The following RFTN1 variants were observed in gnomAD, a reference collection of about 807,000 sequenced individuals.
RFTN1 encodes the protein raftlin.
Under a neutral mutation model 46.5 loss-of-function variants are expected in RFTN1, and 26 were observed. The ratio of observed to expected loss-of-function variants is 0.56; its 90% confidence interval spans 0.41 to 0.78. The LOEUF (loss-of-function observed/expected upper bound fraction) is 0.78. RFTN1 is among the 30% of genes least tolerant of loss of function. The pLI is 0.00. For missense variants in RFTN1, 693 were observed against 718.7 expected, an observed-to-expected ratio of 0.96 and a Z score of 0.41; for synonymous variants, 261 against 284.2, an observed-to-expected ratio of 0.92 and a Z score of 0.82.
At chr3:16,496,053 C>G (rs532676487) in intron 1 of RFTN1, among the ~76,000 whole-genome samples, 1 of 152,250 alleles carries the variant, frequency 6.6e-6, no homozygotes, top group Non-Finnish European at 1.5e-5. Context: ...AGATTTAAAA[C>G]TTCTGTTCCT....
At chr3:16,319,169 C>A (rs13320396) in intron 9 of RFTN1, among the ~76,000 whole-genome samples, 1 of 152,092 alleles carries the variant, frequency 6.6e-6, no homozygotes, top group East Asian at 1.9e-4. Context: ...CAGTCAGAGC[C>A]TCTTCACATT....
Position 16,450,095 on chromosome 3 carries a change from C to A in RFTN1, c.146-16058G>T, listed in dbSNP as rs1477797145. On this transcript the variant is annotated intron_variant, in intron 2 of 9. Coordinates refer to ENST00000334133, the MANE Select transcript of RFTN1 (RefSeq NM_015150.2). The surrounding 1 kb of genome is among the most constrained non-coding windows in gnomAD (Gnocchi z 4.6). ...CCACTCTCCATGCCTGTCTTAAATC[C>A]ATCCCAATTTGTAAAATTAAATGTG... is the stretch of plus-strand genomic sequence containing the variant. Among the ~76,000 whole-genome samples the A allele has an allele frequency of 6.6e-6, 1 of 152,196 alleles. No individual in the cohort carries two copies. The highest frequency in any genetic ancestry group is 1.5e-5 in the Non-Finnish European group (1 of 68,024).
intron 7 of RFTN1, among the ~76,000 whole-genome samples, chr3:16,350,483 G>C (rs1307242912): frequency 7.0e-6 from 1 of 143,446 alleles, no homozygotes; most frequent in Non-Finnish European, 1.5e-5. Flanking sequence ...CTCAAGCTGA[G>C]ATGAATCACT....
At chr3:16,369,214 A>C (rs944232447) in intron 6 of RFTN1, among the ~76,000 whole-genome samples, 1 of 152,244 alleles carries the variant, frequency 6.6e-6, no homozygotes, top group Non-Finnish European at 1.5e-5. Context: ...AACAATGTAG[A>C]ATCCAAACTC....
chr3:16,435,687 T>C (rs1263298345), intron 2 of RFTN1, among the ~76,000 whole-genome samples: 1 of 152,120 alleles, frequency 6.6e-6, no homozygotes, highest in Admixed American at 6.5e-5. Context: ...TACCATGGAG[T>C]ATGCAAACTT....
Position 16,465,645 on chromosome 3 carries a change from C to T in RFTN1, c.145+28080G>A, listed in dbSNP as rs951635355. Among the ~76,000 whole-genome samples the T allele has an allele frequency of 1.1e-4, 16 of 152,234 alleles. No homozygotes were observed. The highest frequency in any genetic ancestry group is 4.6e-4 in the Admixed American group (7 of 15,290). On this transcript the variant is annotated intron_variant, in intron 2 of 9. Coordinates refer to ENST00000334133, the MANE Select transcript of RFTN1 (RefSeq NM_015150.2). The surrounding 1 kb of genome is among the most constrained non-coding windows in gnomAD (Gnocchi z 5.1). ...TGCAATTTAGCCCCCATGTCAATTACGGATGCTAAAAATTTCAGAATTATA... is the reference window on the plus strand; with the variant it reads ...TGCAATTTAGCCCCCATGTCAATTATGGATGCTAAAAATTTCAGAATTATA...
In RFTN1 at chr3:16,377,815, C is replaced by T; in HGVS notation, c.729G>A (p.Glu243=). The stretch of plus-strand genomic sequence containing the variant: ...GTGGTGAAAGTTCTCCACCATCTCC[C>T]TCTCCGGAGGGTGAGCTGGGCTGCT... The part of the protein sequence containing the change: ...LAKQPSSPSG[E]GDGGELSPQG... The change falls in exon 5 of 10, where the codon GAG becomes GAA. Residue 243 remains glutamate (E), a synonymous_variant. Coordinates refer to ENST00000334133, the MANE Select transcript of RFTN1 (RefSeq NM_015150.2). 2 of 1,614,194 alleles carry T rather than the reference C, an allele frequency of 1.2e-6. No individual in the cohort carries two copies. Among genetic ancestry groups the T allele is most frequent in the Non-Finnish European group, 1.7e-6 (2 of 1,180,032 alleles).
Position 16,421,260 on chromosome 3 carries a change from T to C in RFTN1, c.333-11777A>G, listed in dbSNP as rs987950699. ...GAAATGAGATTCATTGTTAACATAA[T>C]GGAACTATAACACACTTTTCAAAAA... On this transcript the variant is annotated intron_variant, in intron 3 of 9. Coordinates refer to ENST00000334133, the MANE Select transcript of RFTN1 (RefSeq NM_015150.2). The surrounding 1 kb of genome is among the most constrained non-coding windows in gnomAD (Gnocchi z 4.6). Among the ~76,000 whole-genome samples, 1 of 152,176 alleles carries C rather than the reference T, an allele frequency of 6.6e-6. No individual in the cohort carries two copies. Among genetic ancestry groups the C allele is most frequent in the African/African-American group, 2.4e-5 (1 of 41,446 alleles).
At chr3:16,328,310 C>CAA (rs2069940388) in intron 7 of RFTN1, among the ~76,000 whole-genome samples, 1 of 152,200 alleles carries the variant, frequency 6.6e-6, no homozygotes, top group African/African-American at 2.4e-5. Context: ...AGGCAGCGCG[C>CAA]GTGACCATGG....
chr3:16,333,377 A>G (rs1233584302), intron 7 of RFTN1, among the ~76,000 whole-genome samples: 6 of 152,250 alleles, frequency 3.9e-5, no homozygotes, highest in Non-Finnish European at 4.4e-5. Flanking sequence ...AAATGGCCAC[A>G]AAATGCCATT....
Position 16,329,347 on chromosome 3 carries a change from G to C in RFTN1, c.1147-2471C>G. 9.5e-6 allele frequency among the ~76,000 whole-genome samples: 1 copy of C among 105,668 alleles called. No homozygotes were observed. Among genetic ancestry groups the C allele is most frequent in the East Asian group, 2.2e-4 (1 of 4,492 alleles). 69.3% of individuals were successfully genotyped at this position (105,668 alleles called of 152,430 possible). A position where few individuals can be genotyped will look rare whatever the true frequency, so the allele number is the denominator to read the frequency against. ...CCGAGACAGGGCGGAAGTGGAGAAAGGGAAAGGGAAAGAGGAAACTTAATA... is the reference window on the plus strand; with the variant it reads ...CCGAGACAGGGCGGAAGTGGAGAAACGGAAAGGGAAAGAGGAAACTTAATA... On this transcript the variant is annotated intron_variant, in intron 7 of 9. Coordinates refer to ENST00000334133, the MANE Select transcript of RFTN1 (RefSeq NM_015150.2). The surrounding 1 kb of genome is among the most constrained non-coding windows in gnomAD (Gnocchi z 4.5).
intron 6 of RFTN1, among the ~76,000 whole-genome samples, chr3:16,368,682 A>C (rs2073355147): frequency 6.7e-6 from 1 of 148,420 alleles, no homozygotes; most frequent in Admixed American, 6.6e-5. Context: ...CTGTCCAAAA[A>C]AAAAAAAGGC....
intron 2 of RFTN1, among the ~76,000 whole-genome samples, chr3:16,444,129 T>C (rs1355812782): frequency 2.0e-5 from 3 of 152,214 alleles, no homozygotes; most frequent in Non-Finnish European, 2.9e-5. Context: ...AACTCATCCA[T>C]ACCAAATCCA....
chr3:16,502,288 G>A (rs1332913603), intron 1 of RFTN1, among the ~76,000 whole-genome samples: 1 of 151,648 alleles, frequency 6.6e-6, no homozygotes, highest in African/African-American at 2.4e-5. Context: ...TTGAGCCTAG[G>A]ATGTTGAGGC....
chr3:16,323,229 G>A, intron 9 of RFTN1, 147 bp downstream of exon 9: 1 of 627,014 alleles, frequency 1.6e-6, no homozygotes, highest in Non-Finnish European at 2.8e-6. Flanking sequence ...CCTGAGATGT[G>A]ATTCGGGTTG....
intron 4 of RFTN1, among the ~76,000 whole-genome samples, chr3:16,404,379 T>TACAC (rs2074796021): frequency 3.7e-5 from 1 of 27,124 alleles, no homozygotes; most frequent in South Asian, 1.4e-3. Flanking sequence ...ATAATATATA[T>TACAC]AATATATAAT....
In RFTN1 at chr3:16,370,350, A is replaced by T. The variant is rs982243189; in HGVS notation, c.827-71T>A. The T allele has an allele frequency of 7.1e-7, 1 of 1,407,990 alleles. No individual in the cohort carries two copies. Among genetic ancestry groups the T allele is most frequent in the South Asian group, 1.2e-5 (1 of 86,430 alleles). 87.2% of individuals were successfully genotyped at this position (1,407,990 alleles called of 1,614,324 possible). A position where few individuals can be genotyped will look rare whatever the true frequency, so the allele number is the denominator to read the frequency against. The stretch of plus-strand genomic sequence containing the variant: ...TGATAAAAATCTGTTTCATCGGCTT[A>T]AGTGGAATCTCTCAGGAGCCTGAAT... On this transcript the variant is annotated intron_variant, in intron 5 of 9. Coordinates refer to ENST00000334133, the MANE Select transcript of RFTN1 (RefSeq NM_015150.2). This position sits in a 1 kb window ranked among gnomAD's most constrained non-coding sequence, Gnocchi z 5.5.
At chr3:16,399,388 C>G (rs188632530) in intron 4 of RFTN1, among the ~76,000 whole-genome samples, 1 of 152,268 alleles carries the variant, frequency 6.6e-6, no homozygotes, top group East Asian at 1.9e-4. Context: ...TGGATCATGC[C>G]TCACAAAAAT....
chr3:16,482,216 T>A (rs774486664), intron 2 of RFTN1, among the ~76,000 whole-genome samples: 2 of 152,102 alleles, frequency 1.3e-5, no homozygotes, highest in Non-Finnish European at 2.9e-5. Context: ...TGCGGCTCTG[T>A]AAGACAAGAC....
Sources: allele counts gnomAD v4.1 joint callset (sites outside exome capture counted in the v4.1 genomes callset), GRCh38; gene constraint gnomAD v4.1.1; non-coding constraint Gnocchi (gnomAD v3.1); transcripts MANE v1.5; gene names NCBI Gene and HGNC (gene_info 2026-07-23, HGNC 2026-07-21).